FOXP2: variants seen among roughly 807,000 people sequenced by gnomAD.
FOXP2 encodes the protein forkhead box P2.
A neutral mutation model predicts 115.8 loss-of-function variants in FOXP2; 12 were observed. The ratio of observed to expected loss-of-function variants is 0.10; its 90% CI spans 0.07 to 0.17. The LOEUF (loss-of-function observed/expected upper bound fraction) is 0.17, where lower values mean the gene tolerates loss of function less well. Ranked by LOEUF, FOXP2 falls within the 10% of genes least tolerant of loss-of-function variation. The pLI is 1.00. For synonymous variants in FOXP2, 328 were observed against 297.7 expected, an observed-to-expected ratio of 1.10 and a Z score of -1.05; for missense variants, 629 against 843.5, an observed-to-expected ratio of 0.75 and a Z score of 3.15.
At chr7:114,279,575 A>G (rs995197897) in intron 1 of FOXP2, among the ~76,000 whole-genome samples, 5 of 152,188 alleles carry the variant, frequency 3.3e-5, no homozygotes, top group Non-Finnish European at 5.9e-5. Flanking sequence ...AAGTGGCTGC[A>G]TAGTCATTTT....
At chr7:114,503,613 A>G (rs1408609052) in intron 2 of FOXP2, among the ~76,000 whole-genome samples, 1 of 150,716 alleles carries the variant, frequency 6.6e-6, no homozygotes, top group African/African-American at 2.4e-5. Context: ...ATTATTATTT[A>G]ATATAATTAT....
chr7:114,653,793 T>C (rs1336268377), intron 9 of FOXP2, 133 bp from the exon 10 acceptor site: 10 of 975,456 alleles, frequency 1.0e-5, no homozygotes, highest in South Asian at 6.6e-5. Context: ...CCCAGATAAG[T>C]TCCTCCTGAC....
intron 2 of FOXP2, among the ~76,000 whole-genome samples, chr7:114,397,565 G>GC (rs1404424742): frequency 6.6e-6 from 1 of 152,168 alleles, no homozygotes; most frequent in Non-Finnish European, 1.5e-5. Flanking sequence ...CAATGAAGGA[G>GC]CGTTGCAAAG....
At chr7:114,652,423 T>A in intron 9 of FOXP2, 133 bp downstream of exon 9, 3 of 763,774 alleles carry the variant, frequency 3.9e-6, no homozygotes, top group Non-Finnish European at 6.8e-6. Flanking sequence ...ATACATGATA[T>A]TTTAGATTGT....
At chr7:114,646,907 G>T (rs1462597968) in intron 8 of FOXP2, among the ~76,000 whole-genome samples, 1 of 151,966 alleles carries the variant, frequency 6.6e-6, no homozygotes, top group African/African-American at 2.4e-5. Flanking sequence ...TTTCTCAGAG[G>T]ACTTTGTTTT....
chr7:114,426,869 A>G (rs1322135514), intron 2 of FOXP2, among the ~76,000 whole-genome samples, 190 bp downstream of exon 2: 1 of 151,746 alleles, frequency 6.6e-6, no homozygotes, highest in African/African-American at 2.4e-5. Context: ...TCATACCAGT[A>G]CCAGAGTACC....
At chr7:114,284,846 C>T (rs1184960384) in intron 1 of FOXP2, among the ~76,000 whole-genome samples, 2 of 152,068 alleles carry the variant, frequency 1.3e-5, no homozygotes, top group Non-Finnish European at 2.9e-5. Flanking sequence ...ACTATGCAGT[C>T]ATAAAAAGAA....
intron 2 of FOXP2, among the ~76,000 whole-genome samples, chr7:114,468,101 A>G (rs918342521): frequency 2.0e-5 from 3 of 152,178 alleles, no homozygotes; most frequent in African/African-American, 7.2e-5. Context: ...TGTACATTTC[A>G]TTATAACTGT....
intron 2 of FOXP2, among the ~76,000 whole-genome samples, chr7:114,317,650 G>A (rs1054960576): frequency 2.6e-5 from 4 of 152,050 alleles, no homozygotes; most frequent in Non-Finnish European, 5.9e-5. Flanking sequence ...AGCAGTTAAA[G>A]AGATTCTTTT....
At chr7:114,679,338 A>G (rs1367736036) in intron 16 of FOXP2, among the ~76,000 whole-genome samples, 2 of 152,174 alleles carry the variant, frequency 1.3e-5, no homozygotes, top group South Asian at 2.1e-4. Context: ...ACTTCTTTCC[A>G]TCATTTCTAA....
In FOXP2 at chr7:114,692,814, T is replaced by C. The variant is rs1489937837; in HGVS notation, c.*2888T>C. The C allele has an allele frequency of 4.4e-6, 2 of 449,644 alleles. No individual in the cohort carries two copies. Among genetic ancestry groups the C allele is most frequent in the Non-Finnish European group, 8.9e-6 (2 of 224,432 alleles). The allele number at this position is 449,644 out of a possible 1,614,324, so 27.9% of individuals were successfully genotyped here. On this transcript the variant is annotated 3_prime_UTR_variant, in exon 17 of 17. Transcript: ENST00000350908. The stretch of plus-strand genomic sequence containing the variant: ...AACATCTGTTTATGTATTGGTGGAA[T>C]ATACCTGTTTTATTTATCTTTTTTG...
At chr7:114,306,758 G>A (rs1489645206) in intron 2 of FOXP2, among the ~76,000 whole-genome samples, 2 of 151,588 alleles carry the variant, frequency 1.3e-5, no homozygotes, top group Non-Finnish European at 2.9e-5. Flanking sequence ...TTTTTTTTCT[G>A]GAGGTGCAAG....
intron 2 of FOXP2, among the ~76,000 whole-genome samples, chr7:114,438,851 T>C (rs1794468522): frequency 6.6e-6 from 1 of 152,146 alleles, no homozygotes; most frequent in Admixed American, 6.6e-5. Flanking sequence ...ACAAACCCAT[T>C]GTAGCCTAGT....
At chr7:114,529,923 C>T (rs1181447531) in intron 2 of FOXP2, among the ~76,000 whole-genome samples, 3 of 151,894 alleles carry the variant, frequency 2.0e-5, no homozygotes, top group Non-Finnish European at 1.5e-5. Flanking sequence ...TTATCAACCA[C>T]ACTTGGGAAG....
chr7:114,176,427 CTCCCA>C lies in FOXP2; in HGVS notation c.-102+13340_-102+13344del, dbSNP rs374490785. Among the ~76,000 whole-genome samples, 1,019 of 151,794 alleles carry C rather than the reference CTCCCA, an allele frequency of 6.7e-3. 12 individuals carry two copies. The highest frequency in any genetic ancestry group is 0.024 in the African/African-American group (978 of 41,288). ...AGTCTCAGCTCACTGCAGCCTCAAC[CTCCCA>C]GGTTCAGGCAATCCTCTCGCCTCAG... On this transcript the variant is annotated intron_variant, in intron 1 of 17. Coordinates refer to the FOXP2 transcript ENST00000634411.
Position 114,113,721 on chromosome 7 carries a change from C to G in FOXP2, c.-247+25883C>G, listed in dbSNP as rs114471918. ...GTCTTGCTATGTTGTCTAGGCTGGT[C>G]TCACACTCCTGGACCCAAGTGATCC... On this transcript the variant is annotated intron_variant, in intron 1 of 19. Transcript: ENST00000635638. Among the ~76,000 whole-genome samples the G allele has an allele frequency of 4.1e-3, 630 of 152,074 alleles. 7 individuals carry two copies. Among genetic ancestry groups the G allele is most frequent in the African/African-American group, 0.014 (598 of 41,486 alleles).
Position 114,300,406 on chromosome 7 carries a change from A to G in FOXP2, c.-11+12297A>G, listed in dbSNP as rs533416585. Among the ~76,000 whole-genome samples the G allele has an allele frequency of 2.6e-5, 4 of 152,152 alleles. No individual in the cohort carries two copies. The South Asian group carries it at 8.3e-4, about 32-fold the overall frequency. On this transcript the variant is annotated intron_variant, in intron 2 of 17. Coordinates refer to the FOXP2 transcript ENST00000634411. ...GAAAATTATTATTTGCAAAAATATC[A>G]GTGATTATTTCTGGGAGATAGAGGT... is the stretch of plus-strand genomic sequence containing the variant.
chr7:114,581,312 T>C (rs1801858956), intron 3 of FOXP2, among the ~76,000 whole-genome samples: 1 of 151,876 alleles, frequency 6.6e-6, no homozygotes. Context: ...GCCTCCCCAG[T>C]AGTTGGCACC....
chr7:114,156,702 G>A (rs1278074635), intron 1 of FOXP2, among the ~76,000 whole-genome samples: 1 of 152,080 alleles, frequency 6.6e-6, no homozygotes, highest in African/African-American at 2.4e-5. Flanking sequence ...ATATTTGGCT[G>A]AGAAAAAATC....
Sources: allele counts gnomAD v4.1 joint callset (sites outside exome capture counted in the v4.1 genomes callset), GRCh38; gene constraint gnomAD v4.1.1; transcripts MANE v1.5; gene names NCBI Gene and HGNC (gene_info 2026-07-23, HGNC 2026-07-21).